The following PPP1R11 variants were observed in gnomAD, a reference collection of about 807,000 sequenced individuals.
The protein encoded by PPP1R11 is protein phosphatase 1 regulatory inhibitor subunit 11.
Under a neutral mutation model 11.3 loss-of-function variants are expected in PPP1R11, and 10 were observed. That is an observed-to-expected ratio of 0.88 (90% CI 0.55 to 1.50). The LOEUF (loss-of-function observed/expected upper bound fraction) is 1.50, where lower values mean the gene tolerates loss of function less well. Ranked by LOEUF, PPP1R11 falls within the 40% of genes most tolerant of loss-of-function variation. PPP1R11 has a pLI of 0.00. For missense variants in PPP1R11, 114 were observed against 179.1 expected (o/e 0.64, Z 2.07); for synonymous variants, 56 against 62.3 (o/e 0.90, Z 0.48).
At chr6:30,061,851 A>T, upstream of PPP1R11, 1 of 1,582,522 alleles carries the variant, frequency 6.3e-7, no homozygotes, top group Non-Finnish European at 8.7e-7. This position sits in a 1 kb window ranked among gnomAD's most constrained non-coding sequence, Gnocchi z 5.0. Context: ...GCCAGGGGAA[A>T]GGGGAGGTTT....
In PPP1R11 at chr6:30,069,621, AAC is replaced by A. The variant is rs1470605405; in HGVS notation, c.*317_*318del. 1 of 363,198 alleles carries A rather than the reference AAC, an allele frequency of 2.8e-6. No individual in the cohort carries two copies. Among genetic ancestry groups the A allele is most frequent in the African/African-American group, 2.1e-5 (1 of 48,016 alleles). The allele number at this position is 363,198 out of a possible 1,614,324, so 22.5% of individuals were successfully genotyped here. A position where few individuals can be genotyped will look rare whatever the true frequency, so the allele number is the denominator to read the frequency against. The stretch of plus-strand genomic sequence containing the variant: ...CTAGTTATCTTGGCCCTGCACTCTC[AAC>A]ATGAGTAGCGAACACTTAAATTGGG... On this transcript the variant is annotated 3_prime_UTR_variant, in exon 3 of 3. Transcript: ENST00000376772. The surrounding 1 kb of genome is among the most constrained non-coding windows in gnomAD (Gnocchi z 6.6).
chr6:30,062,119 GA>G, upstream of PPP1R11: 6 of 1,450,034 alleles, frequency 4.1e-6, no homozygotes, highest in South Asian at 6.8e-5. Flanking sequence ...TTCCAAGAGG[GA>G]AAAGAGATGT....
upstream of PPP1R11, among the ~76,000 whole-genome samples, chr6:30,062,850 G>A (rs1296439840): frequency 6.8e-6 from 1 of 147,632 alleles, no homozygotes; most frequent in African/African-American, 2.5e-5. Context: ...GGGATTACAG[G>A]CATGAGCCAC....
chr6:30,067,312 C>G lies in PPP1R11; in HGVS notation c.-99C>G. ...AGAAGGTGGAGGATCCTGGCTACCACTCTGAATCCGATACCGCTTCTCTTA... is the reference window on the plus strand; with the variant it reads ...AGAAGGTGGAGGATCCTGGCTACCAGTCTGAATCCGATACCGCTTCTCTTA... On this transcript the variant is annotated 5_prime_UTR_variant, in exon 1 of 3. Transcript: ENST00000376772. 1.6e-6 allele frequency: 2 copies of G among 1,281,332 alleles called. No individual in the cohort carries two copies. The highest frequency in any genetic ancestry group is 3.7e-5 in the Admixed American group (2 of 54,704). 79.4% of individuals were successfully genotyped at this position (1,281,332 alleles called of 1,614,324 possible). A position where few individuals can be genotyped will look rare whatever the true frequency, so the allele number is the denominator to read the frequency against.
In PPP1R11 at chr6:30,069,102, A is replaced by C; in HGVS notation, c.179-2A>C. 1 of 1,596,396 alleles carries C rather than the reference A, an allele frequency of 6.3e-7. No homozygotes were observed. The highest frequency in any genetic ancestry group is 1.1e-5 in the South Asian group (1 of 90,722). ...TAACTGGGCTCCTCCCTCTAAATCT[A>C]GGCTGCTGTATTTATGAGAAACCTC... On this transcript the variant is annotated splice_acceptor_variant, in intron 2 of 2. Transcript: ENST00000376772. LOFTEE classifies it high-confidence loss of function. This position sits in a 1 kb window ranked among gnomAD's most constrained non-coding sequence, Gnocchi z 6.6.
upstream of PPP1R11, among the ~76,000 whole-genome samples, chr6:30,063,211 C>G (rs1481999671): frequency 1.3e-5 from 2 of 151,912 alleles, no homozygotes; most frequent in African/African-American, 4.8e-5. This position sits in a 1 kb window ranked among gnomAD's most constrained non-coding sequence, Gnocchi z 4.1. Flanking sequence ...TTCTCTTTCC[C>G]CCATGTTCTC....
upstream of PPP1R11, among the ~76,000 whole-genome samples, chr6:30,064,480 C>T (rs370440253): frequency 2.6e-4 from 39 of 151,658 alleles, 1 homozygote; most frequent in East Asian, 3.5e-3. Flanking sequence ...GAGGTTATAA[C>T]TCATTGGATA....
rs1031339343 is a variant in PPP1R11 at position 30,069,320 on chromosome 6, C to G, written c.*14C>G. ...ATGCAGCACTAAATCCCTCTCTCCT[C>G]CAGCATTCCTGTGTCTGTCTGGCCC... On this transcript the variant is annotated 3_prime_UTR_variant, in exon 3 of 3. Transcript: ENST00000376772. This position sits in a 1 kb window ranked among gnomAD's most constrained non-coding sequence, Gnocchi z 6.6. The G allele has an allele frequency of 1.3e-6, 2 of 1,556,362 alleles. No homozygotes were observed. The highest frequency in any genetic ancestry group is 1.7e-4 in the Middle Eastern group (1 of 5,806).
intron 1 of PPP1R11, 105 bp from the exon 2 acceptor site, chr6:30,068,485 G>T: frequency 1.2e-6 from 1 of 845,540 alleles, no homozygotes. Context: ...CTATGCCTAT[G>T]GTACTGATTG....
Position 30,067,216 on chromosome 6 carries a change from G to A in PPP1R11, c.-195G>A. 1 of 546,434 alleles carries A rather than the reference G, an allele frequency of 1.8e-6. No individual in the cohort carries two copies. The highest frequency in any genetic ancestry group is 3.3e-6 in the Non-Finnish European group (1 of 304,074). The allele number at this position is 546,434 out of a possible 1,614,324, so 33.8% of individuals were successfully genotyped here. On this transcript the variant is annotated 5_prime_UTR_variant, in exon 1 of 3. Transcript: ENST00000376772. ...AGTATGCGTCACACCCGGAAGCGGC[G>A]AGCCGGAAGTGGGGTTAGCCAGGTT...
At chr6:30,062,968 C>T (rs753769480), upstream of PPP1R11, among the ~76,000 whole-genome samples, 5 of 151,432 alleles carry the variant, frequency 3.3e-5, no homozygotes, top group East Asian at 1.9e-4. Context: ...AGTCTTCAAC[C>T]GCAGTCAAGG....
upstream of PPP1R11, among the ~76,000 whole-genome samples, chr6:30,066,258 G>A (rs1765517227): frequency 6.6e-6 from 1 of 152,084 alleles, no homozygotes; most frequent in South Asian, 2.1e-4. Flanking sequence ...AGCTTCATCT[G>A]GCACTCCCTC....
At chr6:30,062,024 T>C (rs1765121400), upstream of PPP1R11, 1 of 1,611,794 alleles carries the variant, frequency 6.2e-7, no homozygotes. Context: ...TGTGGTAAGC[T>C]AATGAGATCA....
At chr6:30,064,243 G>T (rs1250951694), upstream of PPP1R11, among the ~76,000 whole-genome samples, 1 of 151,044 alleles carries the variant, frequency 6.6e-6, no homozygotes, top group Non-Finnish European at 1.5e-5. Context: ...TTCATAGTCA[G>T]ATATATCTTT....
chr6:30,061,638 T>C, the PPP1R11 span: 1 of 1,613,056 alleles, frequency 6.2e-7, no homozygotes, highest in Non-Finnish European at 8.5e-7. The surrounding 1 kb of genome is among the most constrained non-coding windows in gnomAD (Gnocchi z 5.0). Context: ...CGGTCACCTG[T>C]ATTCGCTGTG....
upstream of PPP1R11, chr6:30,061,757 C>A: frequency 6.3e-7 from 1 of 1,585,762 alleles, no homozygotes; most frequent in Non-Finnish European, 8.6e-7. The surrounding 1 kb of genome is among the most constrained non-coding windows in gnomAD (Gnocchi z 5.0). Context: ...AGGAGGGGAT[C>A]CTAGAGCAGG....
At position 30,067,198 on chromosome 6, in the gene PPP1R11, G is replaced by A. The variant is rs1422424978; in HGVS notation, c.-213G>A. The A allele has an allele frequency of 3.8e-6, 2 of 532,508 alleles. No individual in the cohort carries two copies. The highest frequency in any genetic ancestry group is 6.4e-5 in the Admixed American group (2 of 31,088). The allele number at this position is 532,508 out of a possible 1,614,324, so 33.0% of individuals were successfully genotyped here. A position where few individuals can be genotyped will look rare whatever the true frequency, so the allele number is the denominator to read the frequency against. On this transcript the variant is annotated 5_prime_UTR_variant, in exon 1 of 3. Transcript: ENST00000376772. ...GGGAAAAAGGGGGACTGCAGTATGC[G>A]TCACACCCGGAAGCGGCGAGCCGGA...
the PPP1R11 span, chr6:30,061,485 T>C: frequency 3.1e-6 from 5 of 1,608,204 alleles, no homozygotes; most frequent in Non-Finnish European, 4.2e-6. This position sits in a 1 kb window ranked among gnomAD's most constrained non-coding sequence, Gnocchi z 5.0. Context: ...CTTCTCTCTT[T>C]TGTTAATAAA....
chr6:30,067,284 T>G lies in PPP1R11; in HGVS notation c.-127T>G. 3.1e-6 allele frequency: 3 copies of G among 969,008 alleles called. No homozygotes were observed. Among genetic ancestry groups the G allele is most frequent in the Non-Finnish European group, 3.1e-6 (2 of 644,430 alleles). 60.0% of individuals were successfully genotyped at this position (969,008 alleles called of 1,614,324 possible). On this transcript the variant is annotated 5_prime_UTR_variant, in exon 1 of 3. Transcript: ENST00000376772. ...AGCGGAGGCCCAGGAGGAGGGGGAA[T>G]AAAGAAGGTGGAGGATCCTGGCTAC...
Sources: gnomAD v4.1 joint callset for allele counts (sites outside exome capture counted in the v4.1 genomes callset) on GRCh38, gnomAD v4.1.1 for gene constraint, Gnocchi (gnomAD v3.1) non-coding constraint, MANE v1.5 for transcripts, NCBI Gene and HGNC (gene_info 2026-07-23, HGNC 2026-07-21) for gene names.